IPO11: variants seen among roughly 807,000 people sequenced by gnomAD.
IPO11 encodes the protein importin-11.
A neutral mutation model predicts 143.2 loss-of-function variants in IPO11; 66 were observed. The ratio of observed to expected loss-of-function variants is 0.46; its 90% confidence interval spans 0.38 to 0.57. The LOEUF (loss-of-function observed/expected upper bound fraction) is 0.57, where lower values mean the gene tolerates loss of function less well. IPO11 is among the 20% of genes least tolerant of loss of function. The pLI, the probability that IPO11 is intolerant of heterozygous loss-of-function variation, is 0.00. For synonymous variants in IPO11, 385 were observed against 377.8 expected (o/e 1.02, Z -0.22); for missense variants, 1,026 against 1,141.0 (o/e 0.90, Z 1.45).
intron 27 of IPO11, among the ~76,000 whole-genome samples, chr5:62,567,859 G>A (rs887226901): frequency 6.6e-6 from 1 of 151,288 alleles, no homozygotes; most frequent in African/African-American, 2.4e-5. Flanking sequence ...ACCGCACCCC[G>A]CTACATTTGC....
chr5:62,485,294 C>A, intron 11 of IPO11, 125 bp from the exon 12 acceptor site: 1 of 720,906 alleles, frequency 1.4e-6, no homozygotes, highest in Non-Finnish European at 2.4e-6. Context: ...GCCTGTGTTC[C>A]CAAGGCTTTG....
chr5:62,455,447 C>G (rs1004521602), intron 5 of IPO11, among the ~76,000 whole-genome samples: 1 of 152,118 alleles, frequency 6.6e-6, no homozygotes, highest in African/African-American at 2.4e-5. Flanking sequence ...CAGTTGAACC[C>G]AGGAGGCGGA....
At chr5:62,567,490 T>G in intron 27 of IPO11, among the ~76,000 whole-genome samples, 1 of 31,990 alleles carries the variant, frequency 3.1e-5, no homozygotes, top group Non-Finnish European at 7.8e-5. Context: ...ATTATTATTA[T>G]TATTATTTTT....
At chr5:62,573,599 G>A (rs569807559) in intron 27 of IPO11, among the ~76,000 whole-genome samples, 2 of 152,272 alleles carry the variant, frequency 1.3e-5, no homozygotes, top group African/African-American at 4.8e-5. Flanking sequence ...CTTCTTTGGC[G>A]GGTCAAAATA....
At chr5:62,580,540 T>C (rs997408195) in intron 27 of IPO11, 52 of 1,551,368 alleles carry the variant, frequency 3.4e-5, no homozygotes, top group Non-Finnish European at 4.2e-5. Context: ...CTGCAAACTT[T>C]TGGGCCTTCG....
Position 62,627,812 on chromosome 5 carries a change from T to G in IPO11, c.*494T>G, listed in dbSNP as rs969496977. ...GTACTAAGCAAAAATATATAAATAGTGACAAATACACATTACCAAGCTTAT... is the reference window on the plus strand; with the variant it reads ...GTACTAAGCAAAAATATATAAATAGGGACAAATACACATTACCAAGCTTAT... On this transcript the variant is annotated 3_prime_UTR_variant, in exon 30 of 30. Transcript: ENST00000325324. 2 of 152,714 alleles carry G rather than the reference T, an allele frequency of 1.3e-5. No homozygotes were observed. The highest frequency in any genetic ancestry group is 4.8e-5 in the African/African-American group (2 of 41,462). 9.5% of individuals were successfully genotyped at this position (152,714 alleles called of 1,614,324 possible). A position where few individuals can be genotyped will look rare whatever the true frequency, so the allele number is the denominator to read the frequency against.
chr5:62,613,298 C>CTTTTTTTT (rs372608086), intron 29 of IPO11, among the ~76,000 whole-genome samples: 64 of 69,034 alleles, frequency 9.3e-4, no homozygotes, highest in Non-Finnish European at 1.2e-3. Flanking sequence ...ACATGCTCTT[C>CTTTTTTTT]TTTTTTTTTT....
At chr5:62,570,072 T>C (rs1375614958) in intron 27 of IPO11, among the ~76,000 whole-genome samples, 1 of 152,204 alleles carries the variant, frequency 6.6e-6, no homozygotes, top group Non-Finnish European at 1.5e-5. Context: ...TGGCTAATAA[T>C]TATAAGCTGA....
chr5:62,534,281 G>A (rs146776961), intron 22 of IPO11, among the ~76,000 whole-genome samples: 2 of 152,002 alleles, frequency 1.3e-5, no homozygotes, highest in Non-Finnish European at 2.9e-5. Flanking sequence ...ACTGGCTCTT[G>A]TCCTAGTTAT....
At chr5:62,493,081 A>G (rs1005756252) in intron 15 of IPO11, among the ~76,000 whole-genome samples, 1 of 152,202 alleles carries the variant, frequency 6.6e-6, no homozygotes, top group Non-Finnish European at 1.5e-5. Context: ...TGATGAGAGA[A>G]AGAAAGAAAT....
At chr5:62,526,310 A>G in intron 21 of IPO11, 53 bp downstream of exon 21, 3 of 1,252,464 alleles carry the variant, frequency 2.4e-6, no homozygotes, top group Admixed American at 1.7e-5. Flanking sequence ...GACCTTTCCT[A>G]CTCTCATGCC....
intron 28 of IPO11, among the ~76,000 whole-genome samples, chr5:62,595,187 A>G (rs1259004524): frequency 6.6e-6 from 1 of 152,200 alleles, no homozygotes; most frequent in Non-Finnish European, 1.5e-5. Flanking sequence ...AGGAACTGTG[A>G]TGTTTCATAT....
At chr5:62,592,659 A>G (rs1745067433) in intron 28 of IPO11, among the ~76,000 whole-genome samples, 1 of 152,168 alleles carries the variant, frequency 6.6e-6, no homozygotes. Context: ...ACAGTTTCGC[A>G]GGGCTGGGGA....
At position 62,606,272 on chromosome 5, in the gene IPO11, G is replaced by A. The variant is rs180922365; in HGVS notation, c.2763+4424G>A. ...GAGGTGGGCAAATCGCTTGAGCCTA[G>A]GAGTTCAAGACCAGCCTGGGCAACA... On this transcript the variant is annotated intron_variant, in intron 29 of 29. Coordinates refer to ENST00000325324, the MANE Select transcript of IPO11 (RefSeq NM_016338.5). Among the ~76,000 whole-genome samples, 414 of 147,590 alleles carry A rather than the reference G, an allele frequency of 2.8e-3. 2 individuals are homozygous for A. The highest frequency in any genetic ancestry group is 6.6e-3 in the Admixed American group (97 of 14,758).
At chr5:62,487,230 A>G (rs1250587590) in intron 12 of IPO11, among the ~76,000 whole-genome samples, 1 of 152,124 alleles carries the variant, frequency 6.6e-6, no homozygotes, top group African/African-American at 2.4e-5. Flanking sequence ...TATTTGGCAA[A>G]TTGGAGTTCC....
rs1190644927 is a variant in IPO11, at chr5:62,586,724, C to T, written c.2583-4853C>T. Among the ~76,000 whole-genome samples the T allele has an allele frequency of 2.3e-5, 3 of 130,416 alleles. No individual in the cohort carries two copies. The East Asian group carries it at 6.5e-4, about 28-fold the overall frequency. The allele number at this position is 130,416 out of a possible 152,430, so 85.6% of individuals were successfully genotyped here. A position where few individuals can be genotyped will look rare whatever the true frequency, so the allele number is the denominator to read the frequency against. On this transcript the variant is annotated intron_variant, in intron 27 of 29. Coordinates refer to ENST00000325324, the MANE Select transcript of IPO11 (RefSeq NM_016338.5). Reference sequence around the variant, plus strand: ...TGAGATCACGCCATTGCACCCCAGCCTGGGCAACAAGAGCAAAACTCAGTC... The same window carrying T: ...TGAGATCACGCCATTGCACCCCAGCTTGGGCAACAAGAGCAAAACTCAGTC...
chr5:62,605,043 A>G (rs1387242389), intron 29 of IPO11, among the ~76,000 whole-genome samples: 2 of 152,200 alleles, frequency 1.3e-5, no homozygotes, highest in Admixed American at 1.3e-4. Flanking sequence ...GGGGAGAGTA[A>G]ACATTTGCTG....
At chr5:62,550,504 A>C in intron 25 of IPO11, 42 bp downstream of exon 25, 2 of 1,312,756 alleles carry the variant, frequency 1.5e-6, no homozygotes, top group Non-Finnish European at 2.2e-6. Flanking sequence ...GTTAGACTAT[A>C]GGATTCTAGT....
At chr5:62,585,389 TGCTA>T (rs1744733982) in intron 27 of IPO11, among the ~76,000 whole-genome samples, 3 of 152,272 alleles carry the variant, frequency 2.0e-5, no homozygotes, top group Non-Finnish European at 1.5e-5. Flanking sequence ...TTATTATAAA[TGCTA>T]CTGACCAGGT....
Sources: allele counts gnomAD v4.1 joint callset (sites outside exome capture counted in the v4.1 genomes callset), GRCh38; gene constraint gnomAD v4.1.1; transcripts MANE v1.5; gene names NCBI Gene and HGNC (gene_info 2026-07-23, HGNC 2026-07-21).